Variants in AFAP1L1 observed in about 807,000 individuals in gnomAD.
The protein encoded by AFAP1L1 is actin filament associated protein 1 like 1.
A neutral mutation model predicts 99.8 loss-of-function variants in AFAP1L1; 77 were observed. The ratio of observed to expected loss-of-function variants is 0.77; its 90% CI spans 0.64 to 0.93. AFAP1L1 has a LOEUF of 0.93. Ranked by LOEUF, AFAP1L1 falls within the 40% of genes least tolerant of loss-of-function variation. The probability of loss-of-function intolerance (pLI) is 0.00; values close to 1 mark genes in which losing one functional copy is unlikely to be tolerated. For missense variants in AFAP1L1, 893 were observed against 996.8 expected, an observed-to-expected ratio of 0.90 and a Z score of 1.40; for synonymous variants, 373 against 395.3, an observed-to-expected ratio of 0.94 and a Z score of 0.67.
At chr5:149,281,233 C>G (rs1221158260) in intron 1 of AFAP1L1, among the ~76,000 whole-genome samples, 1 of 152,158 alleles carries the variant, frequency 6.6e-6, no homozygotes, top group African/African-American at 2.4e-5. Context: ...TTTCTGGAGA[C>G]CCTTCCAGCC....
rs371765529 is a variant in AFAP1L1, at chr5:149,301,097, T to G, written c.230-36T>G. On this transcript the variant is annotated intron_variant, in intron 3 of 18. Transcript: ENST00000296721. The stretch of plus-strand genomic sequence containing the variant: ...TTCCCCTGGTCTGTGCTGCTCATCC[T>G]TGGCTTTCTTTGCCCAATGGCCTGT... 7 of 1,602,260 alleles carry G rather than the reference T, an allele frequency of 4.4e-6. No homozygotes were observed. The East Asian group carries it at 1.3e-4, about 31-fold the overall frequency.
At chr5:149,302,241 G>A (rs1168111440) in intron 4 of AFAP1L1, among the ~76,000 whole-genome samples, 177 bp from the exon 5 acceptor site, 4 of 152,044 alleles carry the variant, frequency 2.6e-5, no homozygotes, top group African/African-American at 9.7e-5. Context: ...AAAAATTGGG[G>A]TAAGAATCAC....
rs1472010556 is a variant in AFAP1L1, at chr5:149,317,734, C to T, written c.1273C>T (p.Leu425=). ...CACACCATTGTCTCCTCCAGGCTAC[C>T]TGAACGTGCTGGTGAACCAGGGCTG... ...TEEEVPCCGY[L]NVLVNQGWKE... Residue 425 remains leucine, a synonymous_variant, in exon 12 of 19, where the codon CTG becomes TTG. Transcript: ENST00000296721. The T allele has an allele frequency of 8.7e-6, 14 of 1,613,914 alleles. No individual in the cohort carries two copies. Among genetic ancestry groups the T allele is most frequent in the Non-Finnish European group, 1.2e-5 (14 of 1,179,938 alleles).
Position 149,332,892 on chromosome 5 carries a change from A to AT in AFAP1L1, c.2154+20dup, listed in dbSNP as rs1757298447. ...GAGTGGGGTGAGTCCAGGCCCTTCCATGCCAGGGGCAGCTACTCCTATGTC... is the reference window on the plus strand; with the variant it reads ...GAGTGGGGTGAGTCCAGGCCCTTCCATTGCCAGGGGCAGCTACTCCTATGTC... On this transcript the variant is annotated intron_variant, in intron 17 of 18. Coordinates refer to ENST00000296721, the MANE Select transcript of AFAP1L1 (RefSeq NM_152406.4). 1 of 1,546,664 alleles carries AT rather than the reference A, an allele frequency of 6.5e-7. No individual in the cohort carries two copies. Among genetic ancestry groups the AT allele is most frequent in the African/African-American group, 1.4e-5 (1 of 72,978 alleles).
chr5:149,329,571 T>C (rs1757191906), intron 15 of AFAP1L1, 95 bp from the exon 16 acceptor site: 1 of 1,221,304 alleles, frequency 8.2e-7, no homozygotes, highest in Non-Finnish European at 1.1e-6. Context: ...ATTTCATAGA[T>C]GGAGAAGTTG....
chr5:149,331,179 G>A lies in AFAP1L1; in HGVS notation c.1975+1349G>A, dbSNP rs1027353439. 5.9e-5 allele frequency among the ~76,000 whole-genome samples: 9 copies of A among 152,166 alleles called. No homozygotes were observed. In the East Asian group the frequency reaches 1.5e-3, roughly 26 times the overall value. On this transcript the variant is annotated intron_variant, in intron 16 of 18. Transcript: ENST00000296721. ...GGGCTGGGTGCCGTGGTTCATGCCT[G>A]TAATCCTGGCACTTTGGGAAGCCGA...
chr5:149,289,345 C>T (rs1755781528), intron 1 of AFAP1L1, among the ~76,000 whole-genome samples: 1 of 152,202 alleles, frequency 6.6e-6, no homozygotes, highest in Admixed American at 6.5e-5. Context: ...GTAATTAACA[C>T]ACACAAAAGT....
chr5:149,316,076 A>C (rs1756784360), intron 10 of AFAP1L1, 75 bp from the exon 11 acceptor site: 2 of 1,587,482 alleles, frequency 1.3e-6, no homozygotes. Flanking sequence ...ATGCAGGCTG[A>C]AAAGGCCACA....
intron 1 of AFAP1L1, among the ~76,000 whole-genome samples, chr5:149,275,073 C>T (rs946211712): frequency 3.3e-5 from 5 of 152,082 alleles, no homozygotes; most frequent in Admixed American, 6.6e-5. Context: ...CATTGGTATT[C>T]ACGATAATAA....
chr5:149,320,519 C>G lies in AFAP1L1; in HGVS notation c.1698+56C>G, dbSNP rs146582599. 17,485 of 1,481,534 alleles carry G rather than the reference C, an allele frequency of 0.012. 140 individuals carry two copies. Among genetic ancestry groups the G allele is most frequent in the Non-Finnish European group, 0.013 (14,120 of 1,061,006 alleles). The allele number at this position is 1,481,534 out of a possible 1,614,324, so 91.8% of individuals were successfully genotyped here. A position where few individuals can be genotyped will look rare whatever the true frequency, so the allele number is the denominator to read the frequency against. On this transcript the variant is annotated intron_variant, in intron 14 of 18. Transcript: ENST00000296721. This position sits in a 1 kb window ranked among gnomAD's most constrained non-coding sequence, Gnocchi z 4.0. ...GGCAAAGGCCACTTATTAGCTCTCCCTCTTTCTGCTCCCTTTACCTTCTGC... is the reference window on the plus strand; with the variant it reads ...GGCAAAGGCCACTTATTAGCTCTCCGTCTTTCTGCTCCCTTTACCTTCTGC...
chr5:149,307,706 A>G (rs1321160443), intron 7 of AFAP1L1, 93 bp downstream of exon 7: 2 of 1,349,224 alleles, frequency 1.5e-6, no homozygotes, highest in East Asian at 2.5e-5. Flanking sequence ...TGCCTTGGGC[A>G]TACCTGGATT....
At chr5:149,339,406 T>A (rs113175693) in intron 18 of AFAP1L1, among the ~76,000 whole-genome samples, 4,417 of 152,068 alleles carry the variant, frequency 0.029, 108 homozygotes, top group Non-Finnish European at 0.047. Flanking sequence ...GTTGGTCAGG[T>A]TGGTCTCGAA....
rs1452899800 is a variant in AFAP1L1, at chr5:149,342,784, T to C, written c.*2754T>C. 6.6e-6 allele frequency among the ~76,000 whole-genome samples: 1 copy of C among 152,144 alleles called. No individual in the cohort carries two copies. The highest frequency in any genetic ancestry group is 2.4e-5 in the African/African-American group (1 of 41,430). On this transcript the variant is annotated 3_prime_UTR_variant, in exon 19 of 19. Coordinates refer to ENST00000296721, the MANE Select transcript of AFAP1L1 (RefSeq NM_152406.4). ...AAAGTTAGCTGGGCACGGTGGCACATGCCGGTAGTCCCAGCTACTTGGGAG... is the reference window on the plus strand; with the variant it reads ...AAAGTTAGCTGGGCACGGTGGCACACGCCGGTAGTCCCAGCTACTTGGGAG...
At chr5:149,330,822 C>T (rs1561685252) in intron 16 of AFAP1L1, among the ~76,000 whole-genome samples, 1 of 152,254 alleles carries the variant, frequency 6.6e-6, no homozygotes, top group South Asian at 2.1e-4. Context: ...TTGCCACAGA[C>T]ACACAAATAT....
At chr5:149,333,519 C>T (rs1197691709) in intron 17 of AFAP1L1, among the ~76,000 whole-genome samples, 2 of 152,220 alleles carry the variant, frequency 1.3e-5, no homozygotes, top group African/African-American at 4.8e-5. Flanking sequence ...CTCTAATTCT[C>T]CCAGCAACTC....
intron 9 of AFAP1L1, among the ~76,000 whole-genome samples, chr5:149,314,285 A>AGT (rs962605647): frequency 2.6e-5 from 4 of 151,966 alleles, no homozygotes; most frequent in Non-Finnish European, 4.4e-5. Flanking sequence ...AGTGTGTGTG[A>AGT]GTGTGTGTGT....
At chr5:149,312,645 C>T (rs148220983) in intron 9 of AFAP1L1, among the ~76,000 whole-genome samples, 24 of 152,080 alleles carry the variant, frequency 1.6e-4, no homozygotes, top group Non-Finnish European at 2.9e-4. Flanking sequence ...AACAATTATC[C>T]AGGTGTGGTG....
Position 149,343,367 on chromosome 5 carries a change from G to C in AFAP1L1, c.*3337G>C, listed in dbSNP as rs1353533155. 6.6e-6 allele frequency among the ~76,000 whole-genome samples: 1 copy of C among 151,646 alleles called. No homozygotes were observed. On this transcript the variant is annotated 3_prime_UTR_variant, in exon 19 of 19. Transcript: ENST00000296721. ...AAGGGACTATCCAGTAACTAAGCTGGCAACTCCAAGTGCCCTGGACCCCAG... is the reference window on the plus strand; with the variant it reads ...AAGGGACTATCCAGTAACTAAGCTGCCAACTCCAAGTGCCCTGGACCCCAG...
In AFAP1L1 at chr5:149,300,364, C is replaced by G. The variant is rs761977747; in HGVS notation, c.229+10C>G. The G allele has an allele frequency of 1.9e-6, 3 of 1,608,288 alleles. No individual in the cohort carries two copies. In the African/African-American group the frequency reaches 4.0e-5, roughly 22 times the overall value. On this transcript the variant is annotated intron_variant, in intron 3 of 18. Coordinates refer to ENST00000296721, the MANE Select transcript of AFAP1L1 (RefSeq NM_152406.4). ...CTCTTTGAAGAATTTGGTAAGTGAC[C>G]CTCTCCCAACCTCAGCTACGGAGCC...
Sources: gnomAD v4.1 joint callset for allele counts (sites outside exome capture counted in the v4.1 genomes callset) on GRCh38, gnomAD v4.1.1 for gene constraint, Gnocchi (gnomAD v3.1) non-coding constraint, MANE v1.5 for transcripts, NCBI Gene and HGNC (gene_info 2026-07-23, HGNC 2026-07-21) for gene names.